Variants in DGKB observed in about 807,000 individuals in gnomAD.
DGKB encodes the protein diacylglycerol kinase beta.
A neutral mutation model predicts 114.3 loss-of-function variants in DGKB; 67 were observed. The observed-to-expected ratio is 0.59, with a 90% confidence interval of 0.48 to 0.72. The LOEUF (loss-of-function observed/expected upper bound fraction) is 0.72. Among genes scored for constraint, DGKB ranks in the 30% least tolerant of loss-of-function variants. The pLI, the probability that DGKB is intolerant of heterozygous loss-of-function variation, is 0.00. For missense variants in DGKB, 907 were observed against 975.2 expected (o/e 0.93, Z 0.93); for synonymous variants, 398 against 323.1 (o/e 1.23, Z -2.49).
Position 14,841,357 on chromosome 7 carries a change from G to A in DGKB, c.-94C>T, listed in dbSNP as rs1239710251. On this transcript the variant is annotated 5_prime_UTR_variant, in exon 2 of 26. Transcript: ENST00000402815. ...ATGCTTCAAAGATTCCACATGGCAT[G>A]TTTCATGATAAAATACCTCAGGCTT... 28 of 1,053,574 alleles carry A rather than the reference G, an allele frequency of 2.7e-5. No homozygotes were observed. The highest frequency in any genetic ancestry group is 3.2e-5 in the African/African-American group (2 of 61,896). 65.3% of individuals were successfully genotyped at this position (1,053,574 alleles called of 1,614,324 possible).
At chr7:14,937,885 T>C (rs1040905335) in intron 1 of DGKB, among the ~76,000 whole-genome samples, 1 of 152,192 alleles carries the variant, frequency 6.6e-6, no homozygotes, top group South Asian at 2.1e-4. Context: ...TCTTCTTTAA[T>C]GATTTTCTTA....
chr7:14,670,434 C>T (rs1036871913), intron 13 of DGKB, among the ~76,000 whole-genome samples: 3 of 151,962 alleles, frequency 2.0e-5, no homozygotes, highest in Admixed American at 6.6e-5. Context: ...TCCTCAGTAG[C>T]TGGGATTACA....
chr7:14,875,210 T>C (rs983559249), intron 1 of DGKB, among the ~76,000 whole-genome samples: 15 of 152,236 alleles, frequency 9.9e-5, no homozygotes, highest in Middle Eastern at 3.4e-3. Context: ...TATGAAGAAA[T>C]GAAGCTGTCT....
chr7:14,860,847 C>T (rs943697521), intron 1 of DGKB, among the ~76,000 whole-genome samples: 8 of 151,574 alleles, frequency 5.3e-5, no homozygotes, highest in Admixed American at 3.3e-4. Context: ...TGGATGCATA[C>T]CTAGAAAATT....
intron 23 of DGKB, among the ~76,000 whole-genome samples, chr7:14,219,724 T>C (rs371878752): frequency 5.9e-5 from 9 of 151,822 alleles, no homozygotes; most frequent in African/African-American, 2.2e-4. Flanking sequence ...TCACTTGTGT[T>C]GTCTTTTCAC....
chr7:14,392,849 G>C (rs1821529917), intron 21 of DGKB, among the ~76,000 whole-genome samples: 1 of 151,950 alleles, frequency 6.6e-6, no homozygotes, highest in South Asian at 2.1e-4. Flanking sequence ...TACCAAGATA[G>C]CTTTGGAATA....
chr7:14,807,288 A>G (rs1842893287), intron 2 of DGKB, among the ~76,000 whole-genome samples: 1 of 151,946 alleles, frequency 6.6e-6, no homozygotes, highest in Non-Finnish European at 1.5e-5. Context: ...GAGAACTGAG[A>G]TGATTTCTTA....
chr7:14,650,055 T>C (rs1346908208), intron 13 of DGKB, among the ~76,000 whole-genome samples: 1 of 151,934 alleles, frequency 6.6e-6, no homozygotes, highest in Non-Finnish European at 1.5e-5. Flanking sequence ...AGGGAGACTT[T>C]AACACCCCAC....
At chr7:14,485,508 T>C (rs4721340) in intron 20 of DGKB, among the ~76,000 whole-genome samples, 14,921 of 151,996 alleles carry the variant, frequency 0.098, 1,439 homozygotes, top group African/African-American at 0.24. Flanking sequence ...AAATACATGA[T>C]TGAGAGCAAG....
chr7:14,769,794 G>T (rs1837144945), intron 2 of DGKB, among the ~76,000 whole-genome samples: 2 of 151,868 alleles, frequency 1.3e-5, no homozygotes, highest in South Asian at 4.2e-4. Context: ...GCAACCTTTG[G>T]CTTGCAAACT....
intron 23 of DGKB, among the ~76,000 whole-genome samples, chr7:14,303,868 A>T (rs1219674008): frequency 1.3e-5 from 2 of 152,140 alleles, no homozygotes; most frequent in African/African-American, 4.8e-5. Flanking sequence ...TATCGCCACC[A>T]TGAAAATTAC....
At chr7:14,691,017 G>T (rs370341379) in intron 9 of DGKB, among the ~76,000 whole-genome samples, 1 of 152,114 alleles carries the variant, frequency 6.6e-6, no homozygotes, top group African/African-American at 2.4e-5. Flanking sequence ...TAAGAGAAAA[G>T]ATATGGCTCT....
intron 21 of DGKB, among the ~76,000 whole-genome samples, chr7:14,464,296 G>C (rs980494357): frequency 6.6e-6 from 1 of 152,074 alleles, no homozygotes; most frequent in Non-Finnish European, 1.5e-5. Flanking sequence ...CACAGTACAT[G>C]AAACTTTCTG....
intron 2 of DGKB, among the ~76,000 whole-genome samples, chr7:14,759,901 T>C (rs1378157745): frequency 6.6e-6 from 1 of 152,206 alleles, no homozygotes; most frequent in Non-Finnish European, 1.5e-5. Context: ...CCAGTCTCTC[T>C]ATATCCTTGC....
chr7:14,414,471 G>T (rs1170537284), intron 21 of DGKB, among the ~76,000 whole-genome samples: 1 of 152,132 alleles, frequency 6.6e-6, no homozygotes, highest in Admixed American at 6.6e-5. Flanking sequence ...CAGGCACCGG[G>T]TTTGGTTTTG....
At chr7:14,717,824 T>C (rs1340966073) in intron 6 of DGKB, among the ~76,000 whole-genome samples, 1 of 152,072 alleles carries the variant, frequency 6.6e-6, no homozygotes, top group South Asian at 2.1e-4. Context: ...ACCTCAGAGA[T>C]AGAATAGATG....
intron 20 of DGKB, among the ~76,000 whole-genome samples, chr7:14,502,722 C>A (rs1329625998): frequency 6.6e-6 from 1 of 152,052 alleles, no homozygotes; most frequent in Non-Finnish European, 1.5e-5. Flanking sequence ...TATCTATATG[C>A]ATAATCCTTA....
intron 1 of DGKB, among the ~76,000 whole-genome samples, chr7:14,968,252 A>G (rs1429322622): frequency 2.0e-5 from 3 of 152,072 alleles, no homozygotes; most frequent in Non-Finnish European, 4.4e-5. Context: ...AACATGAACA[A>G]TTTTTTAAAT....
At chr7:14,525,408 A>G (rs1790485477) in intron 20 of DGKB, among the ~76,000 whole-genome samples, 1 of 152,180 alleles carries the variant, frequency 6.6e-6, no homozygotes, top group African/African-American at 2.4e-5. Flanking sequence ...ACTTTTCTGG[A>G]AACAAGAATG....
Sources: allele counts gnomAD v4.1 joint callset (sites outside exome capture counted in the v4.1 genomes callset), GRCh38; gene constraint gnomAD v4.1.1; transcripts MANE v1.5; gene names NCBI Gene and HGNC (gene_info 2026-07-23, HGNC 2026-07-21).